Variants in RGS6 observed in about 807,000 individuals in gnomAD.
The protein encoded by RGS6 is regulator of G protein signaling 6, also known as regulator of G-protein signaling 6.
In RGS6, 30 loss-of-function variants were observed where a neutral mutation model predicts 78.5. The observed-to-expected ratio is 0.38, with a 90% CI of 0.29 to 0.52. The LOEUF (loss-of-function observed/expected upper bound fraction) is 0.52, where lower values mean the gene tolerates loss of function less well. RGS6 is among the 20% of genes least tolerant of loss of function. The pLI, the probability that RGS6 is intolerant of heterozygous loss-of-function variation, is 0.85. For missense variants in RGS6, 495 were observed against 609.7 expected (o/e 0.81, Z 1.98); for synonymous variants, 206 against 206.0 (o/e 1.00, Z 0.00).
chr14:72,109,051 G>T (rs1449002445), intron 2 of RGS6, among the ~76,000 whole-genome samples: 1 of 151,546 alleles, frequency 6.6e-6, no homozygotes, highest in African/African-American at 2.4e-5. Context: ...GTCTTCTATT[G>T]TTTTTATGTA....
At chr14:72,193,570 T>C (rs1371498484) in intron 2 of RGS6, among the ~76,000 whole-genome samples, 1 of 152,180 alleles carries the variant, frequency 6.6e-6, no homozygotes, top group Non-Finnish European at 1.5e-5. Context: ...TTTACATTCT[T>C]ATGAGAGAAA....
intron 2 of RGS6, among the ~76,000 whole-genome samples, chr14:71,968,668 T>C (rs2093650327): frequency 6.6e-6 from 1 of 152,194 alleles, no homozygotes; most frequent in Non-Finnish European, 1.5e-5. Context: ...TCTAGCACCC[T>C]ATGCGACTAC....
chr14:72,124,569 A>T (rs1239394135), intron 2 of RGS6, among the ~76,000 whole-genome samples: 4 of 152,238 alleles, frequency 2.6e-5, no homozygotes, highest in Non-Finnish European at 5.9e-5. Flanking sequence ...TTAATCTATT[A>T]ACAGTTTACC....
rs547104826 is a variant in RGS6 at position 72,078,713 on chromosome 14, C to T, written c.84+113838C>T. 7.3e-4 allele frequency among the ~76,000 whole-genome samples: 111 copies of T among 152,240 alleles called. 1 individual carries two copies. Among genetic ancestry groups the T allele is most frequent in the South Asian group, 2.1e-3 (10 of 4,824 alleles). On this transcript the variant is annotated intron_variant, in intron 2 of 17. Coordinates refer to ENST00000553525, the MANE Select transcript of RGS6 (RefSeq NM_001204424.2). ...GATTACAGGCGTGAGCCACTGCGCCCGGCCAGGTATTTCTTTATAGCAGTG... is the reference window on the plus strand; with the variant it reads ...GATTACAGGCGTGAGCCACTGCGCCTGGCCAGGTATTTCTTTATAGCAGTG...
chr14:72,274,429 C>G (rs2060378905), intron 2 of RGS6, among the ~76,000 whole-genome samples: 1 of 152,236 alleles, frequency 6.6e-6, no homozygotes, highest in Non-Finnish European at 1.5e-5. Flanking sequence ...CCTCTGGCAT[C>G]ACTGCCTTCC....
At chr14:71,925,977 T>C in the RGS6 span, among the ~76,000 whole-genome samples, 1 of 152,040 alleles carries the variant, frequency 6.6e-6, no homozygotes, top group African/African-American at 2.4e-5. Flanking sequence ...GATCTGTACA[T>C]AGAAAACTAT....
At chr14:72,119,231 A>G (rs1355229114) in intron 2 of RGS6, among the ~76,000 whole-genome samples, 2 of 152,206 alleles carry the variant, frequency 1.3e-5, no homozygotes, top group Non-Finnish European at 2.9e-5. Context: ...ATGACTAGAT[A>G]GGAGTCGGGT....
intron 2 of RGS6, chr14:71,990,422 T>G: frequency 2.8e-6 from 1 of 361,178 alleles, no homozygotes; most frequent in South Asian, 2.1e-5. Context: ...GGTTGAAAAG[T>G]TATTGGGAAA....
intron 2 of RGS6, among the ~76,000 whole-genome samples, chr14:72,163,433 G>C (rs1269189999): frequency 6.6e-6 from 1 of 152,226 alleles, no homozygotes; most frequent in South Asian, 2.1e-4. Context: ...GGAATCCACA[G>C]AAATTTTGAG....
intron 2 of RGS6, among the ~76,000 whole-genome samples, chr14:72,343,523 G>A (rs1396810752): frequency 6.6e-6 from 1 of 152,194 alleles, no homozygotes; most frequent in East Asian, 1.9e-4. Flanking sequence ...TTTGCCATGT[G>A]AAGTCACATA....
At chr14:72,388,540 G>C (rs1358962510) in intron 3 of RGS6, among the ~76,000 whole-genome samples, 1 of 152,158 alleles carries the variant, frequency 6.6e-6, no homozygotes, top group African/African-American at 2.4e-5. Context: ...TGGTGGGGCT[G>C]GGGGTGTCTG....
At chr14:72,458,177 G>A (rs926345569) in intron 4 of RGS6, 94 bp from the exon 5 acceptor site, 2 of 893,764 alleles carry the variant, frequency 2.2e-6, no homozygotes, top group East Asian at 4.9e-5. Context: ...AGACATCTGG[G>A]GGTGATGACA....
intron 11 of RGS6, among the ~76,000 whole-genome samples, chr14:72,477,426 A>C (rs2096265711): frequency 6.6e-6 from 1 of 152,094 alleles, no homozygotes; most frequent in South Asian, 2.1e-4. Flanking sequence ...CAAAGGAGTA[A>C]ACTTTGAGGT....
At chr14:72,057,921 T>A (rs1034112193) in intron 2 of RGS6, among the ~76,000 whole-genome samples, 4 of 152,212 alleles carry the variant, frequency 2.6e-5, no homozygotes, top group African/African-American at 9.7e-5. Flanking sequence ...TCTTGAAGGA[T>A]GTGCTAGCCT....
intron 2 of RGS6, among the ~76,000 whole-genome samples, chr14:72,247,747 G>A (rs1451816084): frequency 6.6e-6 from 1 of 152,196 alleles, no homozygotes; most frequent in East Asian, 1.9e-4. Context: ...TAGTTATCGA[G>A]AGAGTGGGTT....
intron 2 of RGS6, among the ~76,000 whole-genome samples, chr14:72,097,849 A>G (rs1386911703): frequency 6.6e-6 from 1 of 152,098 alleles, no homozygotes; most frequent in Non-Finnish European, 1.5e-5. Flanking sequence ...GTAGCTCCTT[A>G]GTGGCAGGGA....
At chr14:72,545,354 G>A (rs140868812) in intron 17 of RGS6, among the ~76,000 whole-genome samples, 64 of 152,364 alleles carry the variant, frequency 4.2e-4, no homozygotes, top group African/African-American at 1.4e-3. Flanking sequence ...AGCAGCAAGT[G>A]CATGTCCTGG....
At chr14:72,013,014 T>G (rs1421343953) in intron 2 of RGS6, among the ~76,000 whole-genome samples, 2 of 152,134 alleles carry the variant, frequency 1.3e-5, no homozygotes, top group Non-Finnish European at 2.9e-5. Context: ...CTCATGCTTG[T>G]AATCCCAGCA....
At chr14:72,124,242 T>C (rs888434139) in intron 2 of RGS6, among the ~76,000 whole-genome samples, 8 of 152,222 alleles carry the variant, frequency 5.3e-5, no homozygotes, top group African/African-American at 1.9e-4. Context: ...ATATTAGTTA[T>C]AAAAATGTCA....
Sources: gnomAD v4.1 joint callset for allele counts (sites outside exome capture counted in the v4.1 genomes callset) on GRCh38, gnomAD v4.1.1 for gene constraint, MANE v1.5 for transcripts, NCBI Gene and HGNC (gene_info 2026-07-23, HGNC 2026-07-21) for gene names.